ROCK2: variants seen among roughly 807,000 people sequenced by gnomAD.
ROCK2 encodes rho-associated protein kinase 2.
Under a neutral mutation model 195.1 loss-of-function variants are expected in ROCK2, and 61 were observed. That is an observed-to-expected ratio of 0.31 (90% CI 0.25 to 0.39). The LOEUF is 0.39. Ranked by LOEUF, ROCK2 falls within the 10% of genes least tolerant of loss-of-function variation. The pLI, the probability that ROCK2 is intolerant of heterozygous loss-of-function variation, is 1.00. For synonymous variants in ROCK2, 504 were observed against 545.5 expected, an observed-to-expected ratio of 0.92 and a Z score of 1.06; for missense variants, 1,109 against 1,637.4, an observed-to-expected ratio of 0.68 and a Z score of 5.57.
At chr2:11,311,365 A>C (rs544574635) in intron 1 of ROCK2, among the ~76,000 whole-genome samples, 18 of 152,316 alleles carry the variant, frequency 1.2e-4, no homozygotes, top group African/African-American at 4.3e-4. Context: ...AGTTGACTAC[A>C]AAGTTGCAGC....
chr2:11,295,990 G>GAGAGAGAGAGAGAGAGAGAGAGAGA (rs1553313903), intron 1 of ROCK2, among the ~76,000 whole-genome samples: 1 of 28,394 alleles, frequency 3.5e-5, no homozygotes, highest in African/African-American at 8.2e-5. Flanking sequence ...GAGAGAGAGA[G>GAGAGAGAGAGAGAGAGAGAGAGAGA]GAGAGAGAGA....
At chr2:11,189,287 G>C (rs1179270115) in intron 32 of ROCK2, among the ~76,000 whole-genome samples, 3 of 152,208 alleles carry the variant, frequency 2.0e-5, no homozygotes, top group Non-Finnish European at 1.5e-5. Context: ...CTAGATGTTA[G>C]ATCACTGCTG....
chr2:11,317,389 C>G (rs1668227394), intron 1 of ROCK2, among the ~76,000 whole-genome samples: 2 of 150,766 alleles, frequency 1.3e-5, no homozygotes, highest in African/African-American at 4.9e-5. Context: ...TTAACTCTAC[C>G]AACGCAACTG....
chr2:11,221,183 T>C lies in ROCK2; in HGVS notation c.1259+15A>G. On this transcript the variant is annotated intron_variant, in intron 9 of 32. Coordinates refer to ENST00000315872, the MANE Select transcript of ROCK2 (RefSeq NM_004850.5). ...TCTAAAAACAGTAAAATTTAACAAA[T>C]AATAAACCACATACAAATTTTCTCT... The C allele has an allele frequency of 2.0e-6, 3 of 1,520,078 alleles. No individual in the cohort carries two copies. Among genetic ancestry groups the C allele is most frequent in the Non-Finnish European group, 2.6e-6 (3 of 1,139,400 alleles). 94.2% of individuals were successfully genotyped at this position (1,520,078 alleles called of 1,614,324 possible).
intron 1 of ROCK2, among the ~76,000 whole-genome samples, chr2:11,323,147 G>A (rs1227788207): frequency 6.6e-6 from 1 of 152,132 alleles, no homozygotes; most frequent in African/African-American, 2.4e-5. Flanking sequence ...TAGCCATCCA[G>A]CTTGTCCAAA....
At chr2:11,297,125 T>C (rs990033682) in intron 1 of ROCK2, among the ~76,000 whole-genome samples, 2 of 152,142 alleles carry the variant, frequency 1.3e-5, no homozygotes, top group African/African-American at 4.8e-5. Context: ...GTCAAAGTTA[T>C]ATTAACCAAT....
intron 13 of ROCK2, 35 bp from the exon 14 acceptor site, chr2:11,215,680 A>T: frequency 1.3e-6 from 2 of 1,531,528 alleles, no homozygotes; most frequent in South Asian, 2.5e-5. Flanking sequence ...TCAAAAAAGT[A>T]TGTATAAAAA....
intron 1 of ROCK2, among the ~76,000 whole-genome samples, chr2:11,317,576 T>TTATATATC (rs1668237737): frequency 3.4e-5 from 1 of 29,584 alleles, no homozygotes; most frequent in African/African-American, 1.6e-4. Flanking sequence ...ATCTACACAT[T>TTATATATC]TATATATATA....
At chr2:11,317,759 TC>T (rs1572401464) in intron 1 of ROCK2, among the ~76,000 whole-genome samples, 1 of 150,864 alleles carries the variant, frequency 6.6e-6, no homozygotes, top group East Asian at 2.0e-4. Context: ...ATGCTATCCC[TC>T]CCCGCTCCCC....
intron 1 of ROCK2, among the ~76,000 whole-genome samples, chr2:11,321,625 A>G (rs1244767717): frequency 2.0e-5 from 3 of 152,026 alleles, no homozygotes; most frequent in Non-Finnish European, 2.9e-5. Flanking sequence ...AAAGCAGTCA[A>G]TCTATCCCAC....
chr2:11,196,415 A>C (rs1054108390), intron 27 of ROCK2, among the ~76,000 whole-genome samples: 4 of 152,232 alleles, frequency 2.6e-5, no homozygotes, highest in African/African-American at 9.6e-5. Context: ...GAAAATGGCT[A>C]AAACAAGCAG....
intron 3 of ROCK2, among the ~76,000 whole-genome samples, chr2:11,265,962 G>T (rs1370352482): frequency 6.6e-6 from 1 of 151,834 alleles, no homozygotes; most frequent in African/African-American, 2.4e-5. Context: ...AACTAGCCAT[G>T]TATGGCGGTA....
chr2:11,277,070 C>T lies in ROCK2; in HGVS notation c.324+9469G>A, dbSNP rs566139315. Among the ~76,000 whole-genome samples, 7 of 152,128 alleles carry T rather than the reference C, an allele frequency of 4.6e-5. 1 individual carries two copies. In the South Asian group the frequency reaches 1.4e-3, roughly 32 times the overall value. The stretch of plus-strand genomic sequence containing the variant: ...CTGTCCCCTTCTCTTTTTCAGTTTC[C>T]TCTAATATTAACATATTACAGGAAT... On this transcript the variant is annotated intron_variant, in intron 3 of 32. Transcript: ENST00000315872.
intron 17 of ROCK2, among the ~76,000 whole-genome samples, chr2:11,212,637 T>C (rs1664289729): frequency 1.3e-5 from 2 of 152,136 alleles, no homozygotes; most frequent in African/African-American, 4.8e-5. Flanking sequence ...TCTAATTCTT[T>C]GATTTTTATA....
chr2:11,294,157 C>CA (rs1205550340), intron 1 of ROCK2, among the ~76,000 whole-genome samples: 28 of 139,720 alleles, frequency 2.0e-4, no homozygotes, highest in African/African-American at 6.2e-4. Flanking sequence ...ACTCCCGTCT[C>CA]AAAAAAAAAT....
chr2:11,224,720 GT>G (rs61186205), intron 6 of ROCK2, among the ~76,000 whole-genome samples: 3,288 of 141,684 alleles, frequency 0.023, 104 homozygotes, highest in African/African-American at 0.076. Flanking sequence ...AATTTGTTGA[GT>G]TTTTTTTTTT....
chr2:11,300,506 C>T (rs925065853), intron 1 of ROCK2, among the ~76,000 whole-genome samples: 2 of 152,160 alleles, frequency 1.3e-5, no homozygotes, highest in African/African-American at 4.8e-5. Flanking sequence ...TCAGGTGATC[C>T]ACCTGCCTTG....
chr2:11,330,813 AAG>A (rs1668709427), intron 1 of ROCK2, among the ~76,000 whole-genome samples: 1 of 24,208 alleles, frequency 4.1e-5, no homozygotes, highest in Non-Finnish European at 7.5e-5. Flanking sequence ...AGAGAGGAGG[AAG>A]GGGAGGAGGA....
chr2:11,208,184 T>C, intron 19 of ROCK2, 103 bp downstream of exon 19: 1 of 707,612 alleles, frequency 1.4e-6, no homozygotes, highest in Non-Finnish European at 2.0e-6. Context: ...TTGCAGACTA[T>C]TATAAGAAAA....
Sources: gnomAD v4.1 joint callset for allele counts (sites outside exome capture counted in the v4.1 genomes callset) on GRCh38, gnomAD v4.1.1 for gene constraint, MANE v1.5 for transcripts, NCBI Gene and HGNC (gene_info 2026-07-23, HGNC 2026-07-21) for gene names.